The following CCDC150 variants were observed in gnomAD, a reference collection of about 807,000 sequenced individuals.
CCDC150 encodes the protein coiled-coil domain-containing protein 150.
CCDC150 carries 151 observed loss-of-function variants against 156.5 expected under a neutral mutation model. The ratio of observed to expected loss-of-function variants is 0.97; its 90% CI spans 0.85 to 1.10. CCDC150 has a LOEUF of 1.10. Among genes scored for constraint, CCDC150 ranks in the 50% least tolerant of loss-of-function variants. The pLI is 0.00. For missense variants in CCDC150, 1,312 were observed against 1,268.1 expected, an observed-to-expected ratio of 1.03 and a Z score of -0.53; for synonymous variants, 452 against 429.4, an observed-to-expected ratio of 1.05 and a Z score of -0.65.
intron 15 of CCDC150, among the ~76,000 whole-genome samples, chr2:196,705,787 A>G (rs1236709892): frequency 6.6e-6 from 1 of 152,240 alleles, no homozygotes; most frequent in African/African-American, 2.4e-5. Context: ...CAGTTTTCCC[A>G]GCACCATTTA....
Position 196,730,022 on chromosome 2 carries a change from TA to T in CCDC150, c.2888del (p.Lys963ArgfsTer17). The T allele has an allele frequency of 6.2e-7, 1 of 1,613,824 alleles. No homozygotes were observed. Among genetic ancestry groups the T allele is most frequent in the Non-Finnish European group, 8.5e-7 (1 of 1,179,824 alleles). ...TGCAGAAAGAGATGCAGATGTTGGC[TA>T]AGAGCCAATATGATGCCTCAGTGCG... ...NLQKEMQMLA[K>X]SQYDASVRNK... On this transcript the variant is annotated frameshift_variant, in exon 25 of 28. Coordinates refer to ENST00000389175, the MANE Select transcript of CCDC150 (RefSeq NM_001080539.2). LOFTEE classifies it high-confidence loss of function.
At position 196,695,775 on chromosome 2, in the gene CCDC150, CA is replaced by C. The variant is rs572208088; in HGVS notation, c.1623+617del. On this transcript the variant is annotated intron_variant, in intron 14 of 27. Transcript: ENST00000389175. ...GCAGTGAGCCAAGATCAGGCCACTGCACTCCAACCTGGGCGACAGAGCGAGA... is the reference window on the plus strand; with the variant it reads ...GCAGTGAGCCAAGATCAGGCCACTGCCTCCAACCTGGGCGACAGAGCGAGA... Among the ~76,000 whole-genome samples, 29 of 147,962 alleles carry C rather than the reference CA, an allele frequency of 2.0e-4. 1 individual carries two copies. The South Asian group carries it at 6.3e-3, about 32-fold the overall frequency.
rs750555662 is a variant in CCDC150 at position 196,677,371 on chromosome 2, A to G, written c.1509+10A>G. 8.1e-6 allele frequency: 12 copies of G among 1,485,394 alleles called. No individual in the cohort carries two copies. Among genetic ancestry groups the G allele is most frequent in the South Asian group, 2.4e-5 (2 of 82,856 alleles). The allele number at this position is 1,485,394 out of a possible 1,614,324, so 92.0% of individuals were successfully genotyped here. On this transcript the variant is annotated intron_variant, in intron 13 of 27. Coordinates refer to ENST00000389175, the MANE Select transcript of CCDC150 (RefSeq NM_001080539.2). ...ATTAGCTAAAAACAAGGTATTCTTCATTTTACTTACTGATATTTCACTATA... is the reference window on the plus strand; with the variant it reads ...ATTAGCTAAAAACAAGGTATTCTTCGTTTTACTTACTGATATTTCACTATA...
At position 196,656,778 on chromosome 2, in the gene CCDC150, G is replaced by A; in HGVS notation, c.322G>A (p.Glu108Lys). 1 of 1,613,886 alleles carries A rather than the reference G, an allele frequency of 6.2e-7. No individual in the cohort carries two copies. Among genetic ancestry groups the A allele is most frequent in the Non-Finnish European group, 8.5e-7 (1 of 1,179,826 alleles). ...EFLVNRMCRL[E>K]SLMQSLKMNI... ...TCTGGTAAATCGAATGTGCCGTCTTGAAAGCCTCATGCAGTCCTTGAAGAT... is the reference window on the plus strand; with the variant it reads ...TCTGGTAAATCGAATGTGCCGTCTTAAAAGCCTCATGCAGTCCTTGAAGAT... The change falls in exon 3 of 28, where the codon GAA (glutamate) becomes AAA (lysine). Residue 108 changes from glutamate (E) to lysine (K), a missense_variant. By Grantham distance (56) the Glu-to-Lys change is moderately conservative. Coordinates refer to ENST00000389175, the MANE Select transcript of CCDC150 (RefSeq NM_001080539.2).
intron 2 of CCDC150, among the ~76,000 whole-genome samples, chr2:196,648,263 A>G (rs905441726): frequency 2.0e-5 from 3 of 152,140 alleles, no homozygotes; most frequent in Non-Finnish European, 4.4e-5. Flanking sequence ...TCAACTATGT[A>G]CGGGGGTTCC....
chr2:196,703,165 G>A (rs1369203461), intron 15 of CCDC150, among the ~76,000 whole-genome samples: 1 of 152,162 alleles, frequency 6.6e-6, no homozygotes, highest in Non-Finnish European at 1.5e-5. Flanking sequence ...CAACTATGGA[G>A]CTGATTTGAT....
chr2:196,710,270 G>T (rs576609441), intron 15 of CCDC150, among the ~76,000 whole-genome samples: 1 of 152,386 alleles, frequency 6.6e-6, no homozygotes, highest in East Asian at 1.9e-4. Flanking sequence ...TGCGTTAGCA[G>T]TGAGCAAGGC....
Position 196,639,728 on chromosome 2 carries a change from C to T in CCDC150, c.-39C>T, listed in dbSNP as rs1209904053. The T allele has an allele frequency of 4.6e-6, 7 of 1,522,760 alleles. No individual in the cohort carries two copies. The highest frequency in any genetic ancestry group is 6.2e-6 in the Non-Finnish European group (7 of 1,126,808). 94.3% of individuals were successfully genotyped at this position (1,522,760 alleles called of 1,614,324 possible). A position where few individuals can be genotyped will look rare whatever the true frequency, so the allele number is the denominator to read the frequency against. On this transcript the variant is annotated 5_prime_UTR_variant, in exon 1 of 28. Transcript: ENST00000389175. ...AAATGCTGTGTTAGTTCCACGGAAA[C>T]CCGCTCGCCTGCTGCAGTACGGAGC...
rs1698400571 is a variant in CCDC150 at position 196,729,341 on chromosome 2, A to G, written c.2705A>G (p.His902Arg). The change falls in exon 23 of 28, where the codon CAC becomes CGC. Residue 902 changes from histidine to arginine, a missense_variant. Coordinates refer to ENST00000389175, the MANE Select transcript of CCDC150 (RefSeq NM_001080539.2). ...IKNQKTQIKL[H>R]LSAKANNAQN... ...AATCAAAAGACCCAAATTAAGCTCC[A>G]CTTGTCAGCTAAGGCGAATAATGCT... 10 of 1,613,812 alleles carry G rather than the reference A, an allele frequency of 6.2e-6. No individual in the cohort carries two copies. Among genetic ancestry groups the G allele is most frequent in the South Asian group, 1.1e-5 (1 of 91,074 alleles).
chr2:196,654,994 T>C (rs1418199965), intron 2 of CCDC150, among the ~76,000 whole-genome samples: 1 of 152,216 alleles, frequency 6.6e-6, no homozygotes, highest in Non-Finnish European at 1.5e-5. Flanking sequence ...GTTAGTACCA[T>C]GAGAGCAGTA....
Position 196,686,508 on chromosome 2 carries a change from G to T in CCDC150, c.1510-8538G>T, listed in dbSNP as rs968914478. ...TTAGAGTTAACATCTCAGCAATATT[G>T]AATCTTCTAATACAGTTAGGTTGTC... On this transcript the variant is annotated intron_variant, in intron 13 of 27. Transcript: ENST00000389175. 7.9e-5 allele frequency among the ~76,000 whole-genome samples: 12 copies of T among 152,198 alleles called. No individual in the cohort carries two copies. The South Asian group carries it at 2.1e-3, about 26-fold the overall frequency.
intron 13 of CCDC150, 31 bp from the exon 14 acceptor site, chr2:196,695,015 T>C (rs1186961595): frequency 2.3e-5 from 27 of 1,157,678 alleles, no homozygotes; most frequent in Non-Finnish European, 3.4e-5. Context: ...CTGGCGTAAA[T>C]AGTTTCTTTT....
intron 19 of CCDC150, 21 bp from the exon 20 acceptor site, chr2:196,720,554 T>G (rs202107562): frequency 9.4e-6 from 15 of 1,602,608 alleles, no homozygotes; most frequent in Middle Eastern, 1.7e-4. Flanking sequence ...TAGTCACTCT[T>G]TTTGTGCTTT....
At chr2:196,654,501 T>C (rs1394279681) in intron 2 of CCDC150, among the ~76,000 whole-genome samples, 1 of 152,132 alleles carries the variant, frequency 6.6e-6, no homozygotes, top group Non-Finnish European at 1.5e-5. Flanking sequence ...GGTTTACTTA[T>C]TCACTTCCAC....
At chr2:196,723,938 G>C (rs967874524) in intron 21 of CCDC150, among the ~76,000 whole-genome samples, 6 of 152,192 alleles carry the variant, frequency 3.9e-5, no homozygotes, top group African/African-American at 1.4e-4. Context: ...CTGCTGCCCT[G>C]TTTTTAGAAT....
rs892357876 is a variant in CCDC150, at chr2:196,732,761, T to C, written c.*199T>C. On this transcript the variant is annotated 3_prime_UTR_variant, in exon 28 of 28. Coordinates refer to ENST00000389175, the MANE Select transcript of CCDC150 (RefSeq NM_001080539.2). The stretch of plus-strand genomic sequence containing the variant: ...CCCTTTTTTTGTCCCTTTTCACATT[T>C]TCCACCCAATAAATTTGTGTTAATT... The C allele has an allele frequency of 2.6e-6, 1 of 387,746 alleles. No individual in the cohort carries two copies. Among genetic ancestry groups the C allele is most frequent in the Non-Finnish European group, 4.7e-6 (1 of 214,258 alleles). 24.0% of individuals were successfully genotyped at this position (387,746 alleles called of 1,614,324 possible).
Position 196,723,453 on chromosome 2 carries a change from G to A in CCDC150, c.2429+1762G>A, listed in dbSNP as rs150678412. ...AGAGGTTGCAGTGAGGTTGCAGTGA[G>A]ATCAGGCCACTGCACTCCAGCCTGG... is the stretch of plus-strand genomic sequence containing the variant. On this transcript the variant is annotated intron_variant, in intron 21 of 27. Coordinates refer to ENST00000389175, the MANE Select transcript of CCDC150 (RefSeq NM_001080539.2). Among the ~76,000 whole-genome samples, 151 of 152,254 alleles carry A rather than the reference G, an allele frequency of 9.9e-4. No homozygotes were observed. In the East Asian group the frequency reaches 0.019, roughly 19 times the overall value.
At chr2:196,678,214 T>C (rs926935784) in intron 13 of CCDC150, among the ~76,000 whole-genome samples, 2 of 152,336 alleles carry the variant, frequency 1.3e-5, no homozygotes, top group African/African-American at 4.8e-5. Flanking sequence ...ATCTGGAGAA[T>C]ATATCTGGAG....
At chr2:196,710,583 C>T (rs985255140) in intron 15 of CCDC150, among the ~76,000 whole-genome samples, 17 of 152,284 alleles carry the variant, frequency 1.1e-4, no homozygotes, top group Middle Eastern at 3.4e-3. Flanking sequence ...TCTTCTGTGT[C>T]GGGCACGCTG....
Sources: gnomAD v4.1 joint callset for allele counts (sites outside exome capture counted in the v4.1 genomes callset) on GRCh38, gnomAD v4.1.1 for gene constraint, MANE v1.5 for transcripts, NCBI Gene and HGNC (gene_info 2026-07-23, HGNC 2026-07-21) for gene names.